The following WWOX variants were observed in gnomAD, a reference collection of about 807,000 sequenced individuals.
WWOX encodes WW domain containing oxidoreductase.
Under a neutral mutation model 46.2 loss-of-function variants are expected in WWOX, and 69 were observed. The observed-to-expected ratio is 1.49, with a 90% CI of 1.23 to 1.82. The LOEUF (loss-of-function observed/expected upper bound fraction) is 1.82, where lower values mean the gene tolerates loss of function less well. Among genes scored for constraint, WWOX ranks in the 40% most tolerant of loss-of-function variants. The probability of loss-of-function intolerance (pLI) is 0.00; values close to 1 mark genes in which losing one functional copy is unlikely to be tolerated. For synonymous variants in WWOX, 359 were observed against 202.6 expected, an observed-to-expected ratio of 1.77 and a Z score of -6.56; for missense variants, 919 against 542.6, an observed-to-expected ratio of 1.69 and a Z score of -6.89.
intron 5 of WWOX, among the ~76,000 whole-genome samples, chr16:78,268,229 T>C (rs564452475): frequency 2.0e-5 from 3 of 152,336 alleles, no homozygotes; most frequent in East Asian, 1.9e-4. Context: ...AGGGAAAATA[T>C]AGTATTCCTT....
chr16:78,168,285 A>G (rs1743203421), intron 5 of WWOX: 1 of 152,246 alleles, frequency 6.6e-6, no homozygotes. Flanking sequence ...GCCATGTTCT[A>G]GAACATTCAT....
At chr16:78,587,489 C>G (rs542324686) in intron 8 of WWOX, among the ~76,000 whole-genome samples, 1 of 152,166 alleles carries the variant, frequency 6.6e-6, no homozygotes, top group Admixed American at 6.5e-5. Context: ...GTGCATGAAT[C>G]TTTCAAGATA....
intron 8 of WWOX, among the ~76,000 whole-genome samples, chr16:78,441,915 G>C (rs2083453044): frequency 6.6e-6 from 1 of 151,376 alleles, no homozygotes; most frequent in East Asian, 1.9e-4. Context: ...ATTTTCCCCA[G>C]CTTTACTGAG....
At chr16:78,659,443 A>G (rs1191243158) in intron 8 of WWOX, among the ~76,000 whole-genome samples, 1 of 152,140 alleles carries the variant, frequency 6.6e-6, no homozygotes, top group African/African-American at 2.4e-5. Flanking sequence ...TTCCTGAACC[A>G]GAAACTCTGG....
chr16:78,802,207 T>G (rs1299860099), intron 8 of WWOX, among the ~76,000 whole-genome samples: 7 of 147,688 alleles, frequency 4.7e-5, no homozygotes, highest in Admixed American at 4.7e-4. Context: ...TTTAGGTTTT[T>G]TTTTTTTTTT....
At chr16:78,550,992 G>T (rs1421995101) in intron 8 of WWOX, 1 of 152,166 alleles carries the variant, frequency 6.6e-6, no homozygotes, top group Non-Finnish European at 1.5e-5. Context: ...TTAGGATTCT[G>T]AGTAACAGTC....
intron 8 of WWOX, among the ~76,000 whole-genome samples, chr16:78,494,749 C>G (rs773332418): frequency 6.6e-6 from 1 of 152,084 alleles, no homozygotes; most frequent in Admixed American, 6.5e-5. Flanking sequence ...GCACATTGAG[C>G]GTTTTGTCAA....
At chr16:78,251,864 G>T (rs905917809) in intron 5 of WWOX, among the ~76,000 whole-genome samples, 1 of 152,154 alleles carries the variant, frequency 6.6e-6, no homozygotes, top group Admixed American at 6.5e-5. Context: ...GAAGGTTTTG[G>T]GTTATGTGTG....
chr16:79,211,718 G>C lies in WWOX; in HGVS notation c.1167G>C (p.Gln389His). ...CCRCMPSPEAQSEETARTLWA... is the reference protein window; with the variant it reads ...CCRCMPSPEAHSEETARTLWA... ...GCTGCATGCCCTCACCAGAAGCTCA[G>C]AGCGAAGAGACGGCCCGGACCCTGT... is the stretch of plus-strand genomic sequence containing the variant. Residue 389 changes from glutamine to histidine, a missense_variant, in exon 9 of 9, where the codon CAG becomes CAC. By Grantham distance (24) the Gln-to-His change is conservative (BLOSUM62 0). Transcript: ENST00000566780. The C allele has an allele frequency of 4.3e-6, 7 of 1,614,228 alleles. No individual in the cohort carries two copies. Among genetic ancestry groups the C allele is most frequent in the Non-Finnish European group, 5.9e-6 (7 of 1,180,034 alleles).
intron 5 of WWOX, among the ~76,000 whole-genome samples, chr16:78,335,043 C>G (rs141630047): frequency 6.6e-6 from 1 of 152,140 alleles, no homozygotes; most frequent in East Asian, 1.9e-4. Flanking sequence ...CACCTGGTAG[C>G]TTGTTAGACA....
At chr16:78,389,967 C>G (rs971150967) in intron 6 of WWOX, among the ~76,000 whole-genome samples, 3 of 152,102 alleles carry the variant, frequency 2.0e-5, no homozygotes, top group South Asian at 2.1e-4. Flanking sequence ...CCAGGCTAGT[C>G]AACTCCTGAC....
intron 8 of WWOX, chr16:79,016,419 CCTTTTCTTTTT>C (rs888947319): frequency 6.8e-6 from 1 of 148,092 alleles, no homozygotes; most frequent in African/African-American, 2.4e-5. Context: ...TTGTTTTTTT[CCTTTTCTTTTT>C]CTTTTCTTTT....
At chr16:78,100,243 A>G in intron 1 of WWOX, 1 of 1,125,412 alleles carries the variant, frequency 8.9e-7, no homozygotes. Context: ...CAGGGATAGG[A>G]GTTTTGTTGT....
At chr16:79,001,166 T>C (rs912048353) in intron 8 of WWOX, among the ~76,000 whole-genome samples, 27 of 152,170 alleles carry the variant, frequency 1.8e-4, no homozygotes, top group African/African-American at 5.8e-4. Context: ...AATTTGCTGC[T>C]GAATGCACTT....
chr16:79,132,127 AACACACACACACACACACACACAC>A (rs141785224), intron 8 of WWOX, among the ~76,000 whole-genome samples: 7 of 141,486 alleles, frequency 4.9e-5, no homozygotes, highest in African/African-American at 1.6e-4. Flanking sequence ...CACTTGCAGA[AACACACACACACACACACACACAC>A]ACACACACAC....
intron 8 of WWOX, among the ~76,000 whole-genome samples, chr16:78,794,890 T>A (rs1463902383): frequency 6.6e-6 from 1 of 152,242 alleles, no homozygotes; most frequent in Non-Finnish European, 1.5e-5. Flanking sequence ...GACAAAGAAA[T>A]GACTTGCCTT....
intron 8 of WWOX, among the ~76,000 whole-genome samples, chr16:79,208,272 G>T (rs2051587666): frequency 2.0e-5 from 3 of 152,042 alleles, no homozygotes. Flanking sequence ...TCAGTCCTGT[G>T]TCGTCAACAA....
chr16:78,229,074 C>T lies in WWOX; in HGVS notation c.516+64785C>T, dbSNP rs143727313. Among the ~76,000 whole-genome samples, 269 of 152,186 alleles carry T rather than the reference C, an allele frequency of 1.8e-3. 3 individuals carry two copies. The highest frequency in any genetic ancestry group is 0.011 in the South Asian group (55 of 4,812). ...TTGACCTCATAATACCAGCATGTCC[C>T]GTTTGTATAACCCTCTCTGTAGCTT... On this transcript the variant is annotated intron_variant, in intron 5 of 8. Transcript: ENST00000566780.
At chr16:79,145,530 G>A (rs576358549) in intron 8 of WWOX, among the ~76,000 whole-genome samples, 4 of 152,228 alleles carry the variant, frequency 2.6e-5, no homozygotes, top group East Asian at 1.9e-4. Flanking sequence ...CTGTAAAATC[G>A]TGAAATGTTT....
Sources: allele counts gnomAD v4.1 joint callset (sites outside exome capture counted in the v4.1 genomes callset), GRCh38; gene constraint gnomAD v4.1.1; transcripts MANE v1.5; gene names NCBI Gene and HGNC (gene_info 2026-07-23, HGNC 2026-07-21).